VNN1: variants seen among roughly 807,000 people sequenced by gnomAD.
VNN1 encodes the protein pantetheinase.
In VNN1, 29 loss-of-function variants were observed where a neutral mutation model predicts 41.9. The observed-to-expected ratio is 0.69, with a 90% CI of 0.52 to 0.94. VNN1 has a LOEUF of 0.94. Ranked by LOEUF, VNN1 falls within the 40% of genes least tolerant of loss-of-function variation. The pLI, the probability that VNN1 is intolerant of heterozygous loss-of-function variation, is 0.00. For missense variants in VNN1, 637 were observed against 621.1 expected, an observed-to-expected ratio of 1.03 and a Z score of -0.27; for synonymous variants, 233 against 224.4, an observed-to-expected ratio of 1.04 and a Z score of -0.34.
intron 2 of VNN1, among the ~76,000 whole-genome samples, chr6:132,695,574 T>C (rs1487343927): frequency 6.6e-6 from 1 of 152,232 alleles, no homozygotes; most frequent in East Asian, 1.9e-4. Flanking sequence ...TTGTTGTGTA[T>C]ACATACAGAC....
At chr6:132,706,702 C>G (rs772424326) in intron 2 of VNN1, among the ~76,000 whole-genome samples, 19 of 151,856 alleles carry the variant, frequency 1.3e-4, no homozygotes, top group Non-Finnish European at 2.8e-4. Context: ...GGGAAACTAT[C>G]AAGAAAGTGA....
rs1778150305 is a variant in VNN1 at position 132,683,051 on chromosome 6, A to G, written c.*89T>C. On this transcript the variant is annotated 3_prime_UTR_variant, in exon 7 of 7. Coordinates refer to ENST00000367928, the MANE Select transcript of VNN1 (RefSeq NM_004666.3). ...GAGAAACTAGTAATTCACTTATACTAGAGGATAATATTAACCCGGACCAAT... is the reference window on the plus strand; with the variant it reads ...GAGAAACTAGTAATTCACTTATACTGGAGGATAATATTAACCCGGACCAAT... 1 of 1,161,340 alleles carries G rather than the reference A, an allele frequency of 8.6e-7. No homozygotes were observed. The highest frequency in any genetic ancestry group is 2.7e-5 in the Admixed American group (1 of 36,722). The allele number at this position is 1,161,340 out of a possible 1,614,324, so 71.9% of individuals were successfully genotyped here. A position where few individuals can be genotyped will look rare whatever the true frequency, so the allele number is the denominator to read the frequency against.
chr6:132,694,217 T>TA, intron 2 of VNN1, 35 bp from the exon 3 acceptor site: 1 of 1,530,598 alleles, frequency 6.5e-7, no homozygotes, highest in African/African-American at 1.4e-5. Context: ...AAAATCTTTG[T>TA]AAATCAATCT....
rs1778137426 is a variant in VNN1, at chr6:132,682,297, A to T, written c.*843T>A. 6.6e-6 allele frequency: 1 copy of T among 152,254 alleles called. No individual in the cohort carries two copies. The highest frequency in any genetic ancestry group is 1.5e-5 in the Non-Finnish European group (1 of 68,114). The allele number at this position is 152,254 out of a possible 1,614,324, so 9.4% of individuals were successfully genotyped here. ...TTGAAGCTTCAGATTACAGTAGAAA[A>T]CAGTAGTGGTGGGGAGAGGAACAGG... is the stretch of plus-strand genomic sequence containing the variant. On this transcript the variant is annotated 3_prime_UTR_variant, in exon 7 of 7. Coordinates refer to ENST00000367928, the MANE Select transcript of VNN1 (RefSeq NM_004666.3).
chr6:132,686,740 T>C (rs1482971358), intron 5 of VNN1, among the ~76,000 whole-genome samples: 2 of 152,108 alleles, frequency 1.3e-5, no homozygotes, highest in Non-Finnish European at 1.5e-5. Flanking sequence ...GAAAAACTTA[T>C]TGCATGAAAA....
intron 2 of VNN1, among the ~76,000 whole-genome samples, chr6:132,695,737 A>G (rs560599543): frequency 6.6e-6 from 1 of 152,316 alleles, no homozygotes; most frequent in African/African-American, 2.4e-5. Context: ...AAATTTAGAA[A>G]GTCGCCATAC....
rs1163633390 is a variant in VNN1, at chr6:132,683,094, T to A, written c.*46A>T. 2 of 1,535,694 alleles carry A rather than the reference T, an allele frequency of 1.3e-6. No homozygotes were observed. The highest frequency in any genetic ancestry group is 2.3e-5 in the East Asian group (1 of 43,828). On this transcript the variant is annotated 3_prime_UTR_variant, in exon 7 of 7. Transcript: ENST00000367928. ...GGACCAATCTTTCTTTTCTCATCCA[T>A]CATTTTTTAAATTATCCCAAATAAA...
chr6:132,711,072 C>A (rs375154445), intron 2 of VNN1, among the ~76,000 whole-genome samples: 3 of 152,118 alleles, frequency 2.0e-5, no homozygotes, highest in East Asian at 1.9e-4. Context: ...TTCTAACTGG[C>A]GTTGTGCGGT....
In VNN1 at chr6:132,711,582, G is replaced by C. The variant is rs45581639; in HGVS notation, c.341+127C>G. 6,120 of 1,095,314 alleles carry C rather than the reference G, an allele frequency of 5.6e-3. 275 individuals carry two copies. In the African/African-American group the frequency reaches 0.088, roughly 16 times the overall value. 67.8% of individuals were successfully genotyped at this position (1,095,314 alleles called of 1,614,324 possible). A position where few individuals can be genotyped will look rare whatever the true frequency, so the allele number is the denominator to read the frequency against. On this transcript the variant is annotated intron_variant, in intron 2 of 6. Transcript: ENST00000367928. The stretch of plus-strand genomic sequence containing the variant: ...TCTCCCAGTAAATATACCCATAGTA[G>C]ATGAAAAATAAGCTATACTGAAACT...
At chr6:132,684,019 G>C (rs530117850) in intron 6 of VNN1, among the ~76,000 whole-genome samples, 1 of 152,006 alleles carries the variant, frequency 6.6e-6, no homozygotes, top group Non-Finnish European at 1.5e-5. Flanking sequence ...ACTCCCCAGT[G>C]GTCCTAAGGG....
Position 132,693,994 on chromosome 6 carries a change from T to C in VNN1, c.530A>G (p.His177Arg), listed in dbSNP as rs200782473. 2.5e-5 allele frequency: 41 copies of C among 1,614,186 alleles called. 1 individual carries two copies. The Admixed American group carries it at 3.3e-4, about 13-fold the overall frequency. The change falls in exon 3 of 7, where the codon CAT becomes CGT. Residue 177 changes from histidine to arginine, a missense_variant. By Grantham distance (29) the His-to-Arg change is conservative (BLOSUM62 0). Transcript: ENST00000367928. ...TTATTTGCAAATTAATTTTACCTTATGGTAGCGTGCCACCAGTTTTCCTTG... is the reference window on the plus strand; with the variant it reads ...TTATTTGCAAATTAATTTTACCTTACGGTAGCGTGCCACCAGTTTTCCTTG... The part of the protein sequence containing the change: ...DSQGKLVARY[H>R]KQNLFMGENQ...
At chr6:132,705,585 G>A (rs1582777453) in intron 2 of VNN1, among the ~76,000 whole-genome samples, 1 of 152,104 alleles carries the variant, frequency 6.6e-6, no homozygotes, top group East Asian at 1.9e-4. Flanking sequence ...AGGGAAAACT[G>A]AAAGCTTTTC....
At chr6:132,694,951 G>A (rs1329684761) in intron 2 of VNN1, among the ~76,000 whole-genome samples, 2 of 152,036 alleles carry the variant, frequency 1.3e-5, no homozygotes, top group Non-Finnish European at 2.9e-5. Flanking sequence ...TCAGGAGTTC[G>A]AGACCAGCCA....
intron 2 of VNN1, among the ~76,000 whole-genome samples, chr6:132,709,203 T>C (rs1198995189): frequency 7.9e-6 from 1 of 125,824 alleles, no homozygotes; most frequent in Non-Finnish European, 1.6e-5. Flanking sequence ...AGATAATAGA[T>C]AGATGATAGA....
intron 2 of VNN1, among the ~76,000 whole-genome samples, chr6:132,700,830 G>GT (rs1343315944): frequency 6.6e-6 from 1 of 151,188 alleles, no homozygotes; most frequent in Non-Finnish European, 1.5e-5. Context: ...ATACGTTTGG[G>GT]TTTTTTTCTG....
intron 2 of VNN1, among the ~76,000 whole-genome samples, chr6:132,703,319 T>G (rs751638420): frequency 2.6e-5 from 4 of 152,128 alleles, no homozygotes; most frequent in Non-Finnish European, 4.4e-5. Flanking sequence ...AACTAAAAGA[T>G]GAACCAATCA....
intron 4 of VNN1, 83 bp downstream of exon 4, chr6:132,692,941 A>T: frequency 7.1e-7 from 1 of 1,411,134 alleles, no homozygotes; most frequent in Non-Finnish European, 9.4e-7. Context: ...ATTAAGGAGT[A>T]TGCGTTAGCT....
chr6:132,709,427 T>C (rs1778564885), intron 2 of VNN1, among the ~76,000 whole-genome samples: 1 of 152,084 alleles, frequency 6.6e-6, no homozygotes, highest in Admixed American at 6.6e-5. Flanking sequence ...ATCCCAGCAC[T>C]TTGGGAGGCC....
At chr6:132,712,975 A>G (rs1041856229) in intron 1 of VNN1, among the ~76,000 whole-genome samples, 1 of 152,132 alleles carries the variant, frequency 6.6e-6, no homozygotes, top group Non-Finnish European at 1.5e-5. Flanking sequence ...TCTCTACAAA[A>G]AATACAAAAC....
Sources: allele counts gnomAD v4.1 joint callset (sites outside exome capture counted in the v4.1 genomes callset), GRCh38; gene constraint gnomAD v4.1.1; transcripts MANE v1.5; gene names NCBI Gene and HGNC (gene_info 2026-07-23, HGNC 2026-07-21).